Variants in PHLPP1 observed in about 807,000 individuals in gnomAD.
PHLPP1 encodes the protein PH domain leucine-rich repeat-containing protein phosphatase 1.
PHLPP1 carries 42 observed loss-of-function variants against 117.2 expected under a neutral mutation model. The ratio of observed to expected loss-of-function variants is 0.36; its 90% CI spans 0.28 to 0.46. The LOEUF (loss-of-function observed/expected upper bound fraction) is 0.46, where lower values mean the gene tolerates loss of function less well. PHLPP1 is among the 20% of genes least tolerant of loss of function. The probability of loss-of-function intolerance (pLI) is 1.00; values close to 1 mark genes in which losing one functional copy is unlikely to be tolerated. For missense variants in PHLPP1, 2,084 were observed against 2,241.9 expected, an observed-to-expected ratio of 0.93 and a Z score of 1.42; for synonymous variants, 1,042 against 970.7, an observed-to-expected ratio of 1.07 and a Z score of -1.37.
rs2144497345 is a variant in PHLPP1, at chr18:62,979,338, G to A, written c.5061G>A (p.Gln1687=). The change falls in exon 17 of 17, where the codon CAG becomes CAA. Residue 1687 remains glutamine (Q), a synonymous_variant. Coordinates refer to ENST00000262719, the MANE Select transcript of PHLPP1 (RefSeq NM_194449.4). Reference sequence around the variant, plus strand: ...AGCATCACCAGGAGCAACAGCAGCAGCAGCAGCCGCCACCACCCCCTCAGC... The same window carrying A: ...AGCATCACCAGGAGCAACAGCAGCAACAGCAGCCGCCACCACCCCCTCAGC... The part of the protein sequence containing the change: ...IMKHHQEQQQ[Q]QQPPPPPQLQ... 1.3e-6 allele frequency: 2 copies of A among 1,550,910 alleles called. No individual in the cohort carries two copies. Among genetic ancestry groups the A allele is most frequent in the African/African-American group, 1.4e-5 (1 of 73,180 alleles).
chr18:62,785,475 A>C (rs558701723), intron 1 of PHLPP1, among the ~76,000 whole-genome samples: 139 of 152,164 alleles, frequency 9.1e-4, no homozygotes, highest in Non-Finnish European at 9.6e-4. Flanking sequence ...GCTATTAGAG[A>C]TGGTGTTGGG....
chr18:62,964,358 G>C (rs1336494489), intron 14 of PHLPP1, among the ~76,000 whole-genome samples: 2 of 152,206 alleles, frequency 1.3e-5, no homozygotes, highest in African/African-American at 4.8e-5. Flanking sequence ...GGTGATTCTA[G>C]TATGGGTCTA....
At chr18:62,748,138 A>G (rs984382283) in intron 1 of PHLPP1, among the ~76,000 whole-genome samples, 2 of 152,182 alleles carry the variant, frequency 1.3e-5, no homozygotes, top group African/African-American at 4.8e-5. Flanking sequence ...TACTATATAC[A>G]TGAAGTCCTT....
chr18:62,719,690 T>A (rs1910860745), intron 1 of PHLPP1, among the ~76,000 whole-genome samples: 1 of 152,208 alleles, frequency 6.6e-6, no homozygotes, highest in African/African-American at 2.4e-5. Flanking sequence ...AACTTATTTT[T>A]AAATTTATTG....
chr18:62,891,726 CA>C (rs140328581), intron 4 of PHLPP1, among the ~76,000 whole-genome samples: 79 of 123,060 alleles, frequency 6.4e-4, no homozygotes, highest in South Asian at 1.1e-3. Flanking sequence ...TTCGTCTCTA[CA>C]AAAAAAAAAA....
At chr18:62,912,320 A>AG (rs940238397) in intron 8 of PHLPP1, among the ~76,000 whole-genome samples, 10 of 147,580 alleles carry the variant, frequency 6.8e-5, no homozygotes, top group Non-Finnish European at 1.5e-4. Context: ...AAAAATTAAA[A>AG]AAAAAATAAT....
At chr18:62,919,699 G>C (rs922487557) in intron 9 of PHLPP1, among the ~76,000 whole-genome samples, 1 of 152,150 alleles carries the variant, frequency 6.6e-6, no homozygotes, top group African/African-American at 2.4e-5. Context: ...AACAAGATTA[G>C]ACTGATCTCT....
intron 2 of PHLPP1, among the ~76,000 whole-genome samples, chr18:62,836,999 T>C (rs1267054413): frequency 6.6e-6 from 1 of 152,162 alleles, no homozygotes; most frequent in Non-Finnish European, 1.5e-5. Context: ...TTTGTTTTGT[T>C]AACACTGGAT....
chr18:62,907,273 T>A (rs1916874264), intron 8 of PHLPP1, among the ~76,000 whole-genome samples: 1 of 31,880 alleles, frequency 3.1e-5, no homozygotes, highest in Middle Eastern at 6.9e-3. Flanking sequence ...AGGAACGCAG[T>A]TCCTCACCAG....
chr18:62,812,323 A>AG lies in PHLPP1; in HGVS notation c.1577-17712_1577-17711insG, dbSNP rs761433593. Among the ~76,000 whole-genome samples the AG allele has an allele frequency of 4.6e-5, 7 of 152,336 alleles. No individual in the cohort carries two copies. In the East Asian group the frequency reaches 1.2e-3, roughly 25 times the overall value. ...CAGAAGAAACACCACAGCACTCCTG[A>AG]TAAAAGCATGTCACAGTGAAAACTT... On this transcript the variant is annotated intron_variant, in intron 1 of 16. Coordinates refer to ENST00000262719, the MANE Select transcript of PHLPP1 (RefSeq NM_194449.4).
chr18:62,800,076 G>T (rs1913734406), intron 1 of PHLPP1, among the ~76,000 whole-genome samples: 1 of 152,166 alleles, frequency 6.6e-6, no homozygotes, highest in African/African-American at 2.4e-5. Flanking sequence ...TTTAGCTAGA[G>T]CTGACTGCAC....
rs113756278 is a variant in PHLPP1 at position 62,733,705 on chromosome 18, T to C, written c.1576+16446T>C. ...AATAAAAAGGTGAAAAGTGTTCTAATGGAGACATAGTATTCGCAGGTTACT... is the reference window on the plus strand; with the variant it reads ...AATAAAAAGGTGAAAAGTGTTCTAACGGAGACATAGTATTCGCAGGTTACT... On this transcript the variant is annotated intron_variant, in intron 1 of 16. Transcript: ENST00000262719. Among the ~76,000 whole-genome samples, 1,180 of 152,310 alleles carry C rather than the reference T, an allele frequency of 7.7e-3. 18 individuals carry two copies. Among genetic ancestry groups the C allele is most frequent in the African/African-American group, 0.027 (1,131 of 41,574 alleles).
intron 1 of PHLPP1, among the ~76,000 whole-genome samples, chr18:62,782,785 G>A (rs1222965797): frequency 6.6e-6 from 1 of 152,164 alleles, no homozygotes; most frequent in African/African-American, 2.4e-5. Context: ...AAGGGGTAGT[G>A]ACTCTTGGCG....
chr18:62,879,897 C>T (rs1916136547), intron 4 of PHLPP1, among the ~76,000 whole-genome samples: 1 of 152,052 alleles, frequency 6.6e-6, no homozygotes, highest in African/African-American at 2.4e-5. Context: ...TCCAGTCCCC[C>T]TCTGTCTATT....
At chr18:62,741,177 GA>G (rs1325541021) in intron 1 of PHLPP1, among the ~76,000 whole-genome samples, 1 of 152,020 alleles carries the variant, frequency 6.6e-6, no homozygotes, top group Non-Finnish European at 1.5e-5. Context: ...AGTAAGAGTG[GA>G]AAAAAATAAT....
intron 1 of PHLPP1, among the ~76,000 whole-genome samples, chr18:62,789,639 C>T (rs1913399651): frequency 6.6e-6 from 1 of 152,114 alleles, no homozygotes; most frequent in African/African-American, 2.4e-5. Context: ...GATGCCTAGT[C>T]TCCAGGTACC....
intron 10 of PHLPP1, among the ~76,000 whole-genome samples, chr18:62,926,364 G>C (rs1411786848): frequency 6.6e-6 from 1 of 152,204 alleles, no homozygotes; most frequent in Non-Finnish European, 1.5e-5. Context: ...GGTTTAGCCA[G>C]AAGCTTCCAA....
At chr18:62,822,269 TTTTTTTTTTTG>T (rs1914483165) in intron 1 of PHLPP1, among the ~76,000 whole-genome samples, 1 of 146,850 alleles carries the variant, frequency 6.8e-6, no homozygotes, top group Non-Finnish European at 1.5e-5. Context: ...AATAGTGTTT[TTTTTTTTTTTG>T]TTTTTGTTTT....
intron 14 of PHLPP1, among the ~76,000 whole-genome samples, chr18:62,966,688 C>T (rs1342625998): frequency 6.6e-6 from 1 of 152,096 alleles, no homozygotes; most frequent in Non-Finnish European, 1.5e-5. Context: ...CCAGGATGGT[C>T]TCGATCTCCT....
Sources: allele counts gnomAD v4.1 joint callset (sites outside exome capture counted in the v4.1 genomes callset), GRCh38; gene constraint gnomAD v4.1.1; transcripts MANE v1.5; gene names NCBI Gene and HGNC (gene_info 2026-07-23, HGNC 2026-07-21).